PDE1C: variants seen among roughly 807,000 people sequenced by gnomAD.
PDE1C encodes phosphodiesterase 1C, also known as dual specificity calcium/calmodulin-dependent 3',5'-cyclic nucleotide phosphodiesterase 1C.
PDE1C carries 62 observed loss-of-function variants against 93.1 expected under a neutral mutation model. The observed-to-expected ratio is 0.67, with a 90% CI of 0.54 to 0.82. The LOEUF (loss-of-function observed/expected upper bound fraction) is 0.82, where lower values mean the gene tolerates loss of function less well. Ranked by LOEUF, PDE1C falls within the 40% of genes least tolerant of loss-of-function variation. The pLI, the probability that PDE1C is intolerant of heterozygous loss-of-function variation, is 0.00. For missense variants in PDE1C, 742 were observed against 884.6 expected, an observed-to-expected ratio of 0.84 and a Z score of 2.04; for synonymous variants, 325 against 310.1, an observed-to-expected ratio of 1.05 and a Z score of -0.50.
chr7:31,926,792 G>T (rs139600054), intron 2 of PDE1C, among the ~76,000 whole-genome samples: 2 of 151,436 alleles, frequency 1.3e-5, no homozygotes, highest in Non-Finnish European at 3.0e-5. Context: ...CTTTTGCAAC[G>T]GCAGACCAGG....
At chr7:32,234,586 A>G (rs1232542712) in intron 1 of PDE1C, among the ~76,000 whole-genome samples, 2 of 152,068 alleles carry the variant, frequency 1.3e-5, no homozygotes, top group Admixed American at 6.5e-5. Flanking sequence ...GGTAACATAA[A>G]TTATTCTAGA....
chr7:31,855,952 T>C (rs1375796972), intron 7 of PDE1C, among the ~76,000 whole-genome samples: 1 of 152,092 alleles, frequency 6.6e-6, no homozygotes, highest in Non-Finnish European at 1.5e-5. Context: ...AATCAATAGA[T>C]AGCTCTTCAA....
chr7:32,087,585 A>C (rs1797183204), intron 3 of PDE1C, among the ~76,000 whole-genome samples: 1 of 152,192 alleles, frequency 6.6e-6, no homozygotes, highest in African/African-American at 2.4e-5. Context: ...ACAATAGCAA[A>C]GACTTGGAAC....
chr7:32,306,035 T>C (rs1452612238), intron 1 of PDE1C, among the ~76,000 whole-genome samples: 2 of 152,206 alleles, frequency 1.3e-5, no homozygotes, highest in Non-Finnish European at 2.9e-5. Context: ...CTCATGGTAG[T>C]GAATAAGTCT....
At chr7:31,784,178 T>C (rs1461718113) in intron 16 of PDE1C, 1 of 151,978 alleles carries the variant, frequency 6.6e-6, no homozygotes, top group East Asian at 2.0e-4. Context: ...CATTCATATA[T>C]GGCCAGTGCC....
chr7:31,885,688 A>C (rs1797780104), intron 2 of PDE1C, among the ~76,000 whole-genome samples: 1 of 152,186 alleles, frequency 6.6e-6, no homozygotes, highest in African/African-American at 2.4e-5. Context: ...GATGTTAGGG[A>C]GGAGAGATAT....
chr7:31,705,986 A>ATTTTTTTTTTTTT, the PDE1C span, among the ~76,000 whole-genome samples: 17 of 52,514 alleles, frequency 3.2e-4, 1 homozygote, highest in African/African-American at 1.1e-3. Context: ...CAGACCAGTA[A>ATTTTTTTTTTTTT]TTTTTTTTTT....
At chr7:32,155,507 G>A (rs988136798) in intron 3 of PDE1C, among the ~76,000 whole-genome samples, 19 of 152,176 alleles carry the variant, frequency 1.2e-4, no homozygotes, top group African/African-American at 4.6e-4. Context: ...GGTCCCAGGT[G>A]GCAGAGTGGT....
intron 1 of PDE1C, among the ~76,000 whole-genome samples, chr7:32,281,466 T>A (rs2128892385): frequency 6.6e-6 from 1 of 152,270 alleles, no homozygotes; most frequent in South Asian, 2.1e-4. Context: ...ACACCTGTAA[T>A]CCCAGGGCTT....
At chr7:31,858,110 G>A (rs147011211) in intron 7 of PDE1C, among the ~76,000 whole-genome samples, 44 of 152,222 alleles carry the variant, frequency 2.9e-4, no homozygotes, top group African/African-American at 9.9e-4. Flanking sequence ...GCATTCAGAA[G>A]GTCTAAGAGA....
intron 2 of PDE1C, among the ~76,000 whole-genome samples, chr7:31,897,189 G>T (rs1799422712): frequency 1.3e-5 from 2 of 152,200 alleles, no homozygotes; most frequent in South Asian, 4.1e-4. Context: ...GTGCTGCTCT[G>T]GAGTGCTGTC....
chr7:32,346,189 T>G (rs960483834), intron 1 of PDE1C, among the ~76,000 whole-genome samples: 1 of 152,232 alleles, frequency 6.6e-6, no homozygotes, highest in African/African-American at 2.4e-5. Context: ...GAAGGGCCTC[T>G]GAACTTAGGA....
At chr7:32,183,429 C>A (rs1346023873) in intron 2 of PDE1C, among the ~76,000 whole-genome samples, 1 of 152,144 alleles carries the variant, frequency 6.6e-6, no homozygotes. Context: ...ACCAAAACAG[C>A]ATGGTACTGG....
chr7:32,221,328 C>T (rs1029610168), intron 1 of PDE1C, among the ~76,000 whole-genome samples: 1 of 151,106 alleles, frequency 6.6e-6, no homozygotes, highest in Admixed American at 6.6e-5. Context: ...TCCATCAAGC[C>T]CCTTTCTTGT....
intron 1 of PDE1C, among the ~76,000 whole-genome samples, chr7:32,314,685 C>A (rs921318394): frequency 6.6e-6 from 1 of 152,084 alleles, no homozygotes; most frequent in Admixed American, 6.5e-5. Context: ...GTTCTTAAAT[C>A]CCTGGAGAAG....
chr7:32,277,127 C>T (rs1270405321), intron 1 of PDE1C, among the ~76,000 whole-genome samples: 4 of 152,172 alleles, frequency 2.6e-5, no homozygotes, highest in Admixed American at 6.5e-5. Context: ...TGCACACCTG[C>T]GGTCCTAGCT....
intron 2 of PDE1C, among the ~76,000 whole-genome samples, chr7:32,049,502 T>C (rs30582): frequency 0.71 from 108,368 of 151,948 alleles, 38,960 homozygotes; most frequent in Middle Eastern, 0.8. Flanking sequence ...GAAGGGGCTT[T>C]ACTGGCCCAA....
At chr7:32,137,276 C>A (rs1800266614) in intron 3 of PDE1C, among the ~76,000 whole-genome samples, 1 of 152,188 alleles carries the variant, frequency 6.6e-6, no homozygotes, top group Non-Finnish European at 1.5e-5. Context: ...AAGATACACC[C>A]CAGCCCCAGC....
chr7:32,301,704 C>G (rs943981467), upstream of PDE1C, among the ~76,000 whole-genome samples: 4 of 152,174 alleles, frequency 2.6e-5, no homozygotes, highest in Non-Finnish European at 5.9e-5. Context: ...AGACTGAGCT[C>G]AAAAGAAGCA....
Sources: allele counts gnomAD v4.1 joint callset (sites outside exome capture counted in the v4.1 genomes callset), GRCh38; gene constraint gnomAD v4.1.1; transcripts MANE v1.5; gene names NCBI Gene and HGNC (gene_info 2026-07-23, HGNC 2026-07-21).